The following SLC35F3 variants were observed in gnomAD, a reference collection of about 807,000 sequenced individuals.
SLC35F3 encodes putative thiamine transporter SLC35F3.
In SLC35F3, 25 loss-of-function variants were observed where a neutral mutation model predicts 49.9. The observed-to-expected ratio is 0.50, with a 90% CI of 0.37 to 0.70. SLC35F3 has a LOEUF of 0.70. SLC35F3 is among the 30% of genes least tolerant of loss of function. The pLI, the probability that SLC35F3 is intolerant of heterozygous loss-of-function variation, is 0.00. For synonymous variants in SLC35F3, 275 were observed against 265.4 expected (o/e 1.04, Z -0.35); for missense variants, 525 against 639.8 (o/e 0.82, Z 1.94).
chr1:234,248,242 G>A lies in SLC35F3; in HGVS notation c.608+16501G>A, dbSNP rs59532658. ...TGGTTGGTCCATTGTTTGGTGGGTC[G>A]GTTGTTTGGTCCATTGTTTGATGGG... On this transcript the variant is annotated intron_variant, in intron 3 of 7. Transcript: ENST00000366618. Among the ~76,000 whole-genome samples, 200 of 93,548 alleles carry A rather than the reference G, an allele frequency of 2.1e-3. 10 individuals carry two copies. Among genetic ancestry groups the A allele is most frequent in the East Asian group, 0.013 (42 of 3,274 alleles). 61.4% of individuals were successfully genotyped at this position (93,548 alleles called of 152,430 possible).
chr1:234,205,455 C>T (rs762796578), intron 2 of SLC35F3, among the ~76,000 whole-genome samples: 11 of 152,180 alleles, frequency 7.2e-5, no homozygotes, highest in African/African-American at 1.7e-4. Flanking sequence ...AGTGAGACTC[C>T]GTCTCAAAGC....
intron 2 of SLC35F3, among the ~76,000 whole-genome samples, chr1:234,184,185 T>C (rs957907401): frequency 1.3e-5 from 2 of 152,192 alleles, no homozygotes; most frequent in Admixed American, 6.5e-5. Context: ...CTATGTCATT[T>C]ATCATCAGTA....
chr1:233,999,002 A>G lies in SLC35F3; in HGVS notation c.283+93244A>G, dbSNP rs1663506911. Among the ~76,000 whole-genome samples, 3 of 152,186 alleles carry G rather than the reference A, an allele frequency of 2.0e-5. No homozygotes were observed. The South Asian group carries it at 6.2e-4, about 31-fold the overall frequency. On this transcript the variant is annotated intron_variant, in intron 2 of 7. Coordinates refer to ENST00000366618, the MANE Select transcript of SLC35F3 (RefSeq NM_173508.4). The stretch of plus-strand genomic sequence containing the variant: ...GGAGTTAAATAGGGTAATTATGCAA[A>G]GCCCTTGAGCCTCATGCTCAATACA...
intron 3 of SLC35F3, among the ~76,000 whole-genome samples, chr1:234,235,846 G>A (rs1484954842): frequency 6.6e-6 from 1 of 152,216 alleles, no homozygotes; most frequent in Admixed American, 6.5e-5. Context: ...CCCGGTGTGT[G>A]TACCTTGCCA....
At chr1:234,281,027 G>A (rs954416242) in intron 3 of SLC35F3, among the ~76,000 whole-genome samples, 1 of 152,158 alleles carries the variant, frequency 6.6e-6, no homozygotes, top group African/African-American at 2.4e-5. Flanking sequence ...TCAGCCAAGG[G>A]CATGCCTTCC....
chr1:233,932,243 T>C (rs548254270), intron 2 of SLC35F3, among the ~76,000 whole-genome samples: 9 of 152,166 alleles, frequency 5.9e-5, no homozygotes, highest in Non-Finnish European at 1.0e-4. Context: ...TTTCTATACC[T>C]ATGTAACAAA....
intron 3 of SLC35F3, among the ~76,000 whole-genome samples, chr1:234,295,530 G>A (rs571960413): frequency 1.1e-4 from 17 of 152,224 alleles, no homozygotes; most frequent in African/African-American, 3.1e-4. Flanking sequence ...AGTGCTGCTC[G>A]CCCAAGGTCT....
At chr1:234,255,021 T>A (rs1193966399) in intron 3 of SLC35F3, among the ~76,000 whole-genome samples, 1 of 152,254 alleles carries the variant, frequency 6.6e-6, no homozygotes, top group Non-Finnish European at 1.5e-5. Context: ...TTTTTAAATG[T>A]CATTGTTAAT....
chr1:234,042,184 A>G lies in SLC35F3; in HGVS notation c.283+136426A>G, dbSNP rs568601079. 1.1e-4 allele frequency among the ~76,000 whole-genome samples: 16 copies of G among 152,350 alleles called. No individual in the cohort carries two copies. In the East Asian group the frequency reaches 3.1e-3, roughly 29 times the overall value. On this transcript the variant is annotated intron_variant, in intron 2 of 7. Coordinates refer to ENST00000366618, the MANE Select transcript of SLC35F3 (RefSeq NM_173508.4). ...GAGTCAGAGGAAATGGTACATAATAAGCAGTATAATAAATAGTCCATTGGA... is the reference window on the plus strand; with the variant it reads ...GAGTCAGAGGAAATGGTACATAATAGGCAGTATAATAAATAGTCCATTGGA...
chr1:234,059,790 G>C (rs1328724897), intron 2 of SLC35F3, among the ~76,000 whole-genome samples: 2 of 152,182 alleles, frequency 1.3e-5, no homozygotes, highest in Non-Finnish European at 2.9e-5. Context: ...TCCCAAAATT[G>C]AAAAACTTGG....
At chr1:234,286,835 C>T (rs1399064759) in intron 3 of SLC35F3, among the ~76,000 whole-genome samples, 1 of 152,166 alleles carries the variant, frequency 6.6e-6, no homozygotes, top group Non-Finnish European at 1.5e-5. Flanking sequence ...TTTCCTCAAA[C>T]GTTGTGAGTT....
At chr1:233,993,667 A>C (rs1663403348) in intron 2 of SLC35F3, among the ~76,000 whole-genome samples, 6 of 152,186 alleles carry the variant, frequency 3.9e-5, no homozygotes, top group Admixed American at 3.9e-4. Flanking sequence ...TTAGGGGCAG[A>C]GTCGAGCCCA....
At chr1:234,174,415 C>G (rs918812231) in intron 2 of SLC35F3, among the ~76,000 whole-genome samples, 1 of 152,224 alleles carries the variant, frequency 6.6e-6, no homozygotes, top group African/African-American at 2.4e-5. Flanking sequence ...TAATGAAAAT[C>G]ATAGCTTCTA....
At chr1:234,188,028 G>A (rs1328710957) in intron 2 of SLC35F3, among the ~76,000 whole-genome samples, 1 of 152,258 alleles carries the variant, frequency 6.6e-6, no homozygotes, top group East Asian at 1.9e-4. Flanking sequence ...ACGAAGTCAG[G>A]AGATCGAGAC....
chr1:234,314,394 C>A (rs1042622088), intron 4 of SLC35F3, among the ~76,000 whole-genome samples: 8 of 152,180 alleles, frequency 5.3e-5, no homozygotes, highest in African/African-American at 1.9e-4. Flanking sequence ...CAGAAAAAAT[C>A]ACCCCTCACT....
At chr1:233,975,882 A>G (rs1663071371) in intron 2 of SLC35F3, among the ~76,000 whole-genome samples, 1 of 152,216 alleles carries the variant, frequency 6.6e-6, no homozygotes, top group Non-Finnish European at 1.5e-5. Context: ...TCCAGAAAGG[A>G]CTTGAAGATG....
chr1:233,996,071 A>G (rs914359299), intron 2 of SLC35F3, among the ~76,000 whole-genome samples: 1 of 152,084 alleles, frequency 6.6e-6, no homozygotes, highest in Non-Finnish European at 1.5e-5. Flanking sequence ...TTTTATTAAT[A>G]TTTTATATAT....
intron 2 of SLC35F3, among the ~76,000 whole-genome samples, chr1:234,074,363 G>T (rs1168115640): frequency 2.0e-5 from 3 of 152,198 alleles, no homozygotes; most frequent in East Asian, 3.8e-4. Flanking sequence ...AGCAATGCCA[G>T]AGCAAGCAGC....
chr1:233,919,040 A>C (rs1261443636), intron 2 of SLC35F3, among the ~76,000 whole-genome samples: 1 of 152,142 alleles, frequency 6.6e-6, no homozygotes, highest in Non-Finnish European at 1.5e-5. Flanking sequence ...ATCTATCTAT[A>C]TATATATGTT....
Sources: allele counts gnomAD v4.1 joint callset (sites outside exome capture counted in the v4.1 genomes callset), GRCh38; gene constraint gnomAD v4.1.1; transcripts MANE v1.5; gene names NCBI Gene and HGNC (gene_info 2026-07-23, HGNC 2026-07-21).